The following DRC2 variants were observed in gnomAD, a reference collection of about 807,000 sequenced individuals.
The protein encoded by DRC2 is coiled-coil domain containing 65.
chr12:48,904,135 A>G, the DRC2 span: 1 of 617,124 alleles, frequency 1.6e-6, no homozygotes, highest in Middle Eastern at 4.7e-4. Context: ...AGGAGACTAG[A>G]CGCGTCTTAC....
the DRC2 span, chr12:48,914,425 G>A: frequency 8.7e-6 from 14 of 1,611,858 alleles, no homozygotes; most frequent in Non-Finnish European, 1.1e-5. Flanking sequence ...AGACCTGTCC[G>A]AAGCCGAGGA....
At chr12:48,918,816 G>A in the DRC2 span, 1 of 1,614,110 alleles carries the variant, frequency 6.2e-7, no homozygotes, top group Admixed American at 1.7e-5. Flanking sequence ...AAAGAACTCA[G>A]GCCCGGGCAG....
At chr12:48,904,997 A>G in the DRC2 span, 14 of 1,613,826 alleles carry the variant, frequency 8.7e-6, no homozygotes, top group African/African-American at 1.9e-4. Context: ...TAATAAGATT[A>G]ACACACAGTG....
At chr12:48,917,034 G>T in the DRC2 span, 4 of 1,613,998 alleles carry the variant, frequency 2.5e-6, no homozygotes, top group Non-Finnish European at 3.4e-6. Context: ...CATGGCCATG[G>T]AGCAGAACTA....
At chr12:48,921,448 T>C in the DRC2 span, 1 of 1,601,480 alleles carries the variant, frequency 6.2e-7, no homozygotes. Flanking sequence ...ACTTAAAATA[T>C]AATTGAAGCA....
chr12:48,917,017 A>G, the DRC2 span: 14 of 1,614,004 alleles, frequency 8.7e-6, no homozygotes, highest in East Asian at 1.8e-4. Flanking sequence ...TATCTGCAAG[A>G]TATCTTCATG....
chr12:48,916,808 A>T, the DRC2 span, among the ~76,000 whole-genome samples: 1 of 152,190 alleles, frequency 6.6e-6, no homozygotes, highest in East Asian at 1.9e-4. Context: ...AACCTTACTC[A>T]TTCTTTCTAG....
At chr12:48,911,618 A>C in the DRC2 span, among the ~76,000 whole-genome samples, 5 of 152,112 alleles carry the variant, frequency 3.3e-5, no homozygotes, top group South Asian at 1.0e-3. Flanking sequence ...AAGAAAAAAA[A>C]AAGAGAAAAA....
the DRC2 span, among the ~76,000 whole-genome samples, chr12:48,913,557 A>G: frequency 6.6e-6 from 1 of 152,150 alleles, no homozygotes. Flanking sequence ...CAGTGGTGCA[A>G]TCTCGGCTCA....
At chr12:48,904,152 A>G in the DRC2 span, 1 of 693,744 alleles carries the variant, frequency 1.4e-6, no homozygotes, top group Admixed American at 2.6e-5. Context: ...TTACAGTGGG[A>G]GAGCTCAGCC....
chr12:48,913,759 T>A, the DRC2 span, among the ~76,000 whole-genome samples: 1 of 151,994 alleles, frequency 6.6e-6, no homozygotes, highest in Non-Finnish European at 1.5e-5. Context: ...CCTCCCAAAG[T>A]GCTGGGATTA....
chr12:48,906,807 C>A, the DRC2 span, among the ~76,000 whole-genome samples: 14 of 151,816 alleles, frequency 9.2e-5, no homozygotes, highest in East Asian at 2.7e-3. Context: ...CTTAGGTGAT[C>A]CACCTGCCTC....
chr12:48,914,700 C>G, the DRC2 span: 1 of 814,200 alleles, frequency 1.2e-6, no homozygotes, highest in Non-Finnish European at 1.9e-6. Flanking sequence ...ACGGGACCCC[C>G]AGCAGAGAAT....
At chr12:48,905,574 G>A in the DRC2 span, among the ~76,000 whole-genome samples, 1 of 152,146 alleles carries the variant, frequency 6.6e-6, no homozygotes, top group African/African-American at 2.4e-5. Flanking sequence ...CCCTGGATAA[G>A]GTTGAGAAGA....
chr12:48,904,447 G>T, the DRC2 span: 1 of 1,613,810 alleles, frequency 6.2e-7, no homozygotes, highest in Middle Eastern at 1.7e-4. Flanking sequence ...AGAAGGAGAG[G>T]CTCCTCAGCC....
the DRC2 span, chr12:48,904,147 G>C: frequency 3.0e-6 from 2 of 675,336 alleles, no homozygotes; most frequent in Non-Finnish European, 4.9e-6. Flanking sequence ...GCGTCTTACA[G>C]TGGGAGAGCT....
the DRC2 span, among the ~76,000 whole-genome samples, chr12:48,910,127 G>T: frequency 0.33 from 49,681 of 152,000 alleles, 9,120 homozygotes; most frequent in Admixed American, 0.47. Flanking sequence ...ACAAATGACA[G>T]CTCTTATGAA....
the DRC2 span, chr12:48,914,359 G>A: frequency 9.2e-6 from 14 of 1,525,088 alleles, no homozygotes; most frequent in Non-Finnish European, 1.2e-5. Context: ...TTTTCTCACA[G>A]AGATGCTATT....
At chr12:48,920,441 TAAAA>T in the DRC2 span, among the ~76,000 whole-genome samples, 27 of 67,812 alleles carry the variant, frequency 4.0e-4, no homozygotes, top group Admixed American at 2.7e-3. Context: ...AACTCCATCT[TAAAA>T]AAAAAAAAAA....
Sources: gnomAD v4.1 joint callset for allele counts (sites outside exome capture counted in the v4.1 genomes callset) on GRCh38, gnomAD v4.1.1 for gene constraint, MANE v1.5 for transcripts, NCBI Gene and HGNC (gene_info 2026-07-23, HGNC 2026-07-21) for gene names.